Variants in TSC1 observed in about 807,000 individuals in gnomAD.
TSC1 encodes the protein hamartin.
In TSC1, 20 loss-of-function variants were observed where a neutral mutation model predicts 124.3. That is an observed-to-expected ratio of 0.16 (90% CI 0.11 to 0.23). The LOEUF is 0.23. Among genes scored for constraint, TSC1 ranks in the 10% least tolerant of loss-of-function variants. The pLI is 1.00. For missense variants in TSC1, 1,124 were observed against 1,448.5 expected (o/e 0.78, Z 3.64); for synonymous variants, 493 against 539.1 (o/e 0.91, Z 1.19).
chr9:132,915,831 G>A (rs1183726191), intron 8 of TSC1, among the ~76,000 whole-genome samples: 2 of 152,182 alleles, frequency 1.3e-5, no homozygotes, highest in African/African-American at 4.8e-5. Context: ...CAGCTTCCCT[G>A]AAGAGCGAGC....
rs1304722023 is a variant in TSC1, at chr9:132,908,168, C to G, written c.1264-798G>C. Among the ~76,000 whole-genome samples the G allele has an allele frequency of 2.0e-5, 3 of 152,000 alleles. No homozygotes were observed. The East Asian group carries it at 5.8e-4, about 29-fold the overall frequency. On this transcript the variant is annotated intron_variant, in intron 12 of 22. Coordinates refer to ENST00000298552, the MANE Select transcript of TSC1 (RefSeq NM_000368.5). The stretch of plus-strand genomic sequence containing the variant: ...GAGGCATAATTATTATATTAGAAAA[C>G]CAGGAAATTTTTAAAATATTAATTC...
Position 132,906,637 on chromosome 9 carries a change from TCCAG to T in TSC1, c.1438+90_1438+93del. On this transcript the variant is annotated intron_variant, in intron 14 of 22. Coordinates refer to ENST00000298552, the MANE Select transcript of TSC1 (RefSeq NM_000368.5). The surrounding 1 kb of genome is among the most constrained non-coding windows in gnomAD (Gnocchi z 4.1). ...TCTTGTTACCTCAAGAGAAGAAAAA[TCCAG>T]CAAGCCTGTGAGCAATGGCACAAAA... 1.6e-5 allele frequency: 18 copies of T among 1,103,186 alleles called. No homozygotes were observed. Among genetic ancestry groups the T allele is most frequent in the Non-Finnish European group, 2.4e-5 (18 of 746,606 alleles). 68.3% of individuals were successfully genotyped at this position (1,103,186 alleles called of 1,614,324 possible). A position where few individuals can be genotyped will look rare whatever the true frequency, so the allele number is the denominator to read the frequency against.
intron 1 of TSC1, among the ~76,000 whole-genome samples, chr9:132,936,365 C>G (rs1026440976): frequency 3.3e-5 from 5 of 152,196 alleles, no homozygotes; most frequent in South Asian, 2.1e-4. Flanking sequence ...AATCCTCCCA[C>G]CAAGGCCTCC....
At chr9:132,911,266 G>T (rs1390733495) in intron 10 of TSC1, 153 bp from the exon 11 acceptor site, 1 of 821,514 alleles carries the variant, frequency 1.2e-6, no homozygotes, top group Admixed American at 2.0e-5. Flanking sequence ...GTTGCATTTT[G>T]TAAATCAAGA....
In TSC1 at chr9:132,923,106, C is replaced by T. The variant is rs76975799; in HGVS notation, c.508+242G>A. Among the ~76,000 whole-genome samples the T allele has an allele frequency of 9.2e-5, 14 of 152,298 alleles. No individual in the cohort carries two copies. In the East Asian group the frequency reaches 2.7e-3, roughly 29 times the overall value. ...AATCATAAAGTTTTACATCCTACCA[C>T]TCAATTTCTCTGACGACTAATCCTT... On this transcript the variant is annotated intron_variant, in intron 6 of 22. Coordinates refer to ENST00000298552, the MANE Select transcript of TSC1 (RefSeq NM_000368.5). The surrounding 1 kb of genome is among the most constrained non-coding windows in gnomAD (Gnocchi z 4.2).
intron 6 of TSC1, among the ~76,000 whole-genome samples, chr9:132,922,238 A>G (rs1254948915): frequency 6.6e-6 from 1 of 152,206 alleles, no homozygotes; most frequent in African/African-American, 2.4e-5. Context: ...TCCTGATCTA[A>G]CTTCTGCCCT....
intron 12 of TSC1, 178 bp downstream of exon 12, chr9:132,910,393 C>G: frequency 5.1e-6 from 6 of 1,174,364 alleles, no homozygotes; most frequent in Admixed American, 2.0e-5. Context: ...TGGAACCACC[C>G]AGGGGTCGGC....
At position 132,907,350 on chromosome 9, in the gene TSC1, T is replaced by C; in HGVS notation, c.1284A>G (p.Ala428=). The part of the protein sequence containing the change: ...PPRKEERMDS[A]RPCLHRQHHL... Reference sequence around the variant, plus strand: ...GGTGTTGTCTGTGTAGACATGGTCTTGCAGAATCCATTCTCTCTTCCTGAA... The same window carrying C: ...GGTGTTGTCTGTGTAGACATGGTCTCGCAGAATCCATTCTCTCTTCCTGAA... The change falls in exon 13 of 23, where the codon GCA becomes GCG. Residue 428 remains alanine (A), a synonymous_variant. Coordinates refer to ENST00000298552, the MANE Select transcript of TSC1 (RefSeq NM_000368.5). 1 of 1,614,118 alleles carries C rather than the reference T, an allele frequency of 6.2e-7. No homozygotes were observed. The highest frequency in any genetic ancestry group is 8.5e-7 in the Non-Finnish European group (1 of 1,179,946).
intron 1 of TSC1, among the ~76,000 whole-genome samples, chr9:132,935,879 C>T (rs1847432559): frequency 6.6e-6 from 1 of 152,226 alleles, no homozygotes; most frequent in Admixed American, 6.5e-5. Context: ...TACTTGCCTC[C>T]CACTTCCACC....
At position 132,893,721 on chromosome 9, in the gene TSC1, T is replaced by C. The variant is rs1588280585; in HGVS notation, c.*2514A>G. 4 of 233,170 alleles carry C rather than the reference T, an allele frequency of 1.7e-5. No homozygotes were observed. In the East Asian group the frequency reaches 2.4e-4, roughly 14 times the overall value. 14.4% of individuals were successfully genotyped at this position (233,170 alleles called of 1,614,324 possible). ...CTGGATGGAGGCCATCCAATCCCAA[T>C]ATTTATGAATACCAAGCTGCTTAAT... On this transcript the variant is annotated 3_prime_UTR_variant, in exon 23 of 23. Transcript: ENST00000298552.
rs762641110 is a variant in TSC1, at chr9:132,896,380, A to G, written c.3350T>C (p.Leu1117Pro). 10 of 1,614,060 alleles carry G rather than the reference A, an allele frequency of 6.2e-6. No individual in the cohort carries two copies. The highest frequency in any genetic ancestry group is 8.5e-6 in the Non-Finnish European group (10 of 1,180,040). Reference sequence around the variant, plus strand: ...CAAGTCTTTGCCCAGTTCTGTCTTTAGGCTCTCAGAAAGGCTACTGGTCAT... The same window carrying G: ...CAAGTCTTTGCCCAGTTCTGTCTTTGGGCTCTCAGAAAGGCTACTGGTCAT... ...DGMTSSLSES[L>P]KTELGKDLGV... Residue 1117 changes from leucine (L) to proline (P), a missense_variant, in exon 23 of 23, where the codon CTA (leucine) becomes CCA (proline). Coordinates refer to ENST00000298552, the MANE Select transcript of TSC1 (RefSeq NM_000368.5). The surrounding 1 kb of genome is among the most constrained non-coding windows in gnomAD (Gnocchi z 4.5).
chr9:132,922,070 T>C, intron 6 of TSC1, 97 bp from the exon 7 acceptor site: 2 of 1,424,384 alleles, frequency 1.4e-6, no homozygotes, highest in Non-Finnish European at 2.0e-6. Context: ...GGACTTTTTA[T>C]CTATGTATAT....
Position 132,921,718 on chromosome 9 carries a change from C to A in TSC1, c.663+101G>T. On this transcript the variant is annotated intron_variant, in intron 7 of 22. Transcript: ENST00000298552. This position sits in a 1 kb window ranked among gnomAD's most constrained non-coding sequence, Gnocchi z 4.3. ...AGTGGCGAGGAAGAAAACTGAATTTCTTTTCAAAATTTCCCTGTCTGCCGT... is the reference window on the plus strand; with the variant it reads ...AGTGGCGAGGAAGAAAACTGAATTTATTTTCAAAATTTCCCTGTCTGCCGT... 1 of 1,507,584 alleles carries A rather than the reference C, an allele frequency of 6.6e-7. No homozygotes were observed. The highest frequency in any genetic ancestry group is 9.2e-7 in the Non-Finnish European group (1 of 1,088,006). 93.4% of individuals were successfully genotyped at this position (1,507,584 alleles called of 1,614,324 possible). A position where few individuals can be genotyped will look rare whatever the true frequency, so the allele number is the denominator to read the frequency against.
chr9:132,907,260 AGAAGAGG>A (rs1187669284), intron 13 of TSC1, 34 bp downstream of exon 13: 10 of 1,542,262 alleles, frequency 6.5e-6, no homozygotes, highest in Non-Finnish European at 9.0e-6. Flanking sequence ...TAACCCAATT[AGAAGAGG>A]CAAGCAAGGC....
chr9:132,897,408 C>T lies in TSC1; in HGVS notation c.2813+15G>A, dbSNP rs772429326. The T allele has an allele frequency of 3.7e-6, 6 of 1,614,184 alleles. No individual in the cohort carries two copies. Among genetic ancestry groups the T allele is most frequent in the East Asian group, 2.2e-5 (1 of 44,888 alleles). On this transcript the variant is annotated intron_variant, in intron 21 of 22. Transcript: ENST00000298552. ...ACTTAATAAAAACACAAAAGCCTTT[C>T]CTGATGAAAGTTACCTTGCCTGGAG...
chr9:132,928,087 T>C (rs936579843), intron 3 of TSC1, among the ~76,000 whole-genome samples: 1 of 152,166 alleles, frequency 6.6e-6, no homozygotes, highest in African/African-American at 2.4e-5. Flanking sequence ...CAGTATGTTG[T>C]AACCACCTTC....
chr9:132,923,379 G>A lies in TSC1; in HGVS notation c.477C>T (p.Gly159=), dbSNP rs2132187799. ...QHLLDFFDIF[G]RLSSWCLKKP... ...TCTTCAGGCACCATGATGACAGACG[G>A]CCAAAAATGTCAAAGAAATCAAGAA... The change falls in exon 6 of 23, where the codon GGC becomes GGT. Residue 159 remains glycine (G), a synonymous_variant. Transcript: ENST00000298552. The surrounding 1 kb of genome is among the most constrained non-coding windows in gnomAD (Gnocchi z 4.2). 1 of 1,614,154 alleles carries A rather than the reference G, an allele frequency of 6.2e-7. No individual in the cohort carries two copies. The highest frequency in any genetic ancestry group is 8.5e-7 in the Non-Finnish European group (1 of 1,180,004).
At chr9:132,938,843 A>G (rs1847596384) in intron 1 of TSC1, among the ~76,000 whole-genome samples, 1 of 152,204 alleles carries the variant, frequency 6.6e-6, no homozygotes, top group Admixed American at 6.5e-5. Flanking sequence ...TTCAAAAACA[A>G]GTGCTGTGAT....
chr9:132,897,089 G>C, intron 22 of TSC1, 95 bp downstream of exon 22: 1 of 1,585,966 alleles, frequency 6.3e-7, no homozygotes, highest in Non-Finnish European at 8.6e-7. Context: ...AGCCTGTCTA[G>C]TCAGCAGTAA....
Sources: allele counts gnomAD v4.1 joint callset (sites outside exome capture counted in the v4.1 genomes callset), GRCh38; gene constraint gnomAD v4.1.1; non-coding constraint Gnocchi (gnomAD v3.1); transcripts MANE v1.5; gene names NCBI Gene and HGNC (gene_info 2026-07-23, HGNC 2026-07-21).